UBE2T: variants seen among roughly 807,000 people sequenced by gnomAD.
The protein encoded by UBE2T is ubiquitin-conjugating enzyme E2 T.
UBE2T carries 15 observed loss-of-function variants against 23.3 expected under a neutral mutation model. That is an observed-to-expected ratio of 0.64 (90% CI 0.43 to 0.99). The LOEUF is 0.99. UBE2T is among the 50% of genes least tolerant of loss of function. The pLI, the probability that UBE2T is intolerant of heterozygous loss-of-function variation, is 0.00. For missense variants in UBE2T, 197 were observed against 234.9 expected, an observed-to-expected ratio of 0.84 and a Z score of 1.05; for synonymous variants, 67 against 78.4, an observed-to-expected ratio of 0.85 and a Z score of 0.77.
rs1558101039 is a variant in UBE2T at position 202,335,077 on chromosome 1, G to T, written c.110-19C>A. On this transcript the variant is annotated intron_variant, in intron 2 of 6. Coordinates refer to ENST00000646651, the MANE Select transcript of UBE2T (RefSeq NM_014176.4). The surrounding 1 kb of genome is among the most constrained non-coding windows in gnomAD (Gnocchi z 4.0). ...AATATTTCTTAAAAGAAAAAAGAAA[G>T]AAAAAGTTAAAAGGGAATCAGATCA... 3 of 1,591,198 alleles carry T rather than the reference G, an allele frequency of 1.9e-6. No individual in the cohort carries two copies. The highest frequency in any genetic ancestry group is 3.3e-4 in the Middle Eastern group (2 of 5,976).
intron 1 of UBE2T, among the ~76,000 whole-genome samples, chr1:202,336,341 C>T (rs1474173868): frequency 6.6e-6 from 1 of 151,764 alleles, no homozygotes; most frequent in Admixed American, 6.6e-5. Flanking sequence ...CCCATCTCAG[C>T]CGCCTATGTA....
intron 3 of UBE2T, 103 bp from the exon 4 acceptor site, chr1:202,333,658 TCAGGGAGA>T: frequency 3.9e-6 from 4 of 1,035,266 alleles, no homozygotes; most frequent in Non-Finnish European, 5.5e-6. Flanking sequence ...TATAGAAATG[TCAGGGAGA>T]CTGCCTTTGG....
intron 1 of UBE2T, among the ~76,000 whole-genome samples, chr1:202,341,258 C>T (rs1025457379): frequency 1.3e-5 from 2 of 152,032 alleles, no homozygotes; most frequent in African/African-American, 4.8e-5. Flanking sequence ...ATGAACGAAA[C>T]GTGGGTTTGG....
chr1:202,333,483 C>T lies in UBE2T; in HGVS notation c.252G>A (p.Arg84=). 6.2e-7 allele frequency: 1 copy of T among 1,614,128 alleles called. No homozygotes were observed. Among genetic ancestry groups the T allele is most frequent in the Non-Finnish European group, 8.5e-7 (1 of 1,180,024 alleles). The part of the protein sequence containing the change: ...IYHPNIDSAG[R]ICLDVLKLPP... ...GCAATTTGAGAACATCCAGACAAAT[C>T]CTTCCAGCAGAATCAATGTTTGGAT... Residue 84 remains arginine (R), a synonymous_variant, in exon 4 of 7, where the codon AGG becomes AGA. Transcript: ENST00000646651.
In UBE2T at chr1:202,331,711, G is replaced by C; in HGVS notation, c.*124C>G. ...GTTTAAAAGATTTCAAAATACATAT[G>C]TACAAGATAAATAAACTACACAAAA... is the stretch of plus-strand genomic sequence containing the variant. On this transcript the variant is annotated 3_prime_UTR_variant, in exon 7 of 7. Transcript: ENST00000646651. The C allele has an allele frequency of 8.3e-7, 1 of 1,206,614 alleles. No individual in the cohort carries two copies. The highest frequency in any genetic ancestry group is 1.5e-5 in the South Asian group (1 of 67,860). 74.7% of individuals were successfully genotyped at this position (1,206,614 alleles called of 1,614,324 possible).
intron 6 of UBE2T, 121 bp from the exon 7 acceptor site, chr1:202,332,081 T>TGCAGAAGACG: frequency 8.1e-7 from 1 of 1,232,728 alleles, no homozygotes. Context: ...TACAGTATTA[T>TGCAGAAGACG]GCATACGATA....
intron 1 of UBE2T, among the ~76,000 whole-genome samples, chr1:202,336,747 G>A (rs560866818): frequency 3.3e-5 from 5 of 152,248 alleles, no homozygotes; most frequent in South Asian, 4.1e-4. Flanking sequence ...TTAAATGTCC[G>A]AGTTTCTCTC....
chr1:202,337,870 T>C (rs1654920567), intron 1 of UBE2T, among the ~76,000 whole-genome samples: 1 of 152,196 alleles, frequency 6.6e-6, no homozygotes, highest in African/African-American at 2.4e-5. Context: ...GACTCTTTGC[T>C]CTTCCATATA....
At chr1:202,337,318 T>C (rs1417994089) in intron 1 of UBE2T, among the ~76,000 whole-genome samples, 1 of 152,198 alleles carries the variant, frequency 6.6e-6, no homozygotes, top group African/African-American at 2.4e-5. Context: ...TGTCTTTCAA[T>C]AAACACATAC....
At chr1:202,332,226 C>T (rs1654767520) in intron 6 of UBE2T, among the ~76,000 whole-genome samples, 3 of 152,128 alleles carry the variant, frequency 2.0e-5, no homozygotes, top group Non-Finnish European at 4.4e-5. Context: ...TTTCCATGTT[C>T]CTGTAATTTG....
chr1:202,335,801 A>G lies in UBE2T; in HGVS notation c.-47T>C, dbSNP rs375944513. 3 of 1,562,928 alleles carry G rather than the reference A, an allele frequency of 1.9e-6. No individual in the cohort carries two copies. Among genetic ancestry groups the G allele is most frequent in the African/African-American group, 2.7e-5 (2 of 73,968 alleles). The stretch of plus-strand genomic sequence containing the variant: ...ACACACAGTTCACTGCTCCACACTA[A>G]GAGCTGCCTGGGATGCACTGGAGGA... On this transcript the variant is annotated 5_prime_UTR_variant, in exon 2 of 7. Transcript: ENST00000646651. This position sits in a 1 kb window ranked among gnomAD's most constrained non-coding sequence, Gnocchi z 4.0.
rs540664348 is a variant in UBE2T at position 202,331,822 on chromosome 1, C to A, written c.*13G>T. The A allele has an allele frequency of 6.1e-5, 99 of 1,613,784 alleles. No homozygotes were observed. In the Middle Eastern group the frequency reaches 1.2e-3, roughly 19 times the overall value. The stretch of plus-strand genomic sequence containing the variant: ...AAAGAACACATTAACTAAGATGAAC[C>A]AGGACAAGTCCCCTAAACATCAGGA... On this transcript the variant is annotated 3_prime_UTR_variant, in exon 7 of 7. Coordinates refer to ENST00000646651, the MANE Select transcript of UBE2T (RefSeq NM_014176.4).
chr1:202,341,279 G>C (rs1463991456), intron 1 of UBE2T, among the ~76,000 whole-genome samples: 1 of 152,092 alleles, frequency 6.6e-6, no homozygotes, highest in African/African-American at 2.4e-5. Flanking sequence ...ACCAGATGTT[G>C]AAGAAGACAA....
chr1:202,331,985 C>T (rs779370864), intron 6 of UBE2T, 25 bp from the exon 7 acceptor site: 1 of 1,611,946 alleles, frequency 6.2e-7, no homozygotes, highest in Non-Finnish European at 8.5e-7. Flanking sequence ...GGGTGAAACA[C>T]AGTAAGGTTC....
rs997171583 is a variant in UBE2T at position 202,340,166 on chromosome 1, C to T, written c.-65+1729G>A. 6.6e-6 allele frequency among the ~76,000 whole-genome samples: 1 copy of T among 151,556 alleles called. No homozygotes were observed. On this transcript the variant is annotated intron_variant, in intron 1 of 6. Coordinates refer to ENST00000646651, the MANE Select transcript of UBE2T (RefSeq NM_014176.4). ...TGGAGGTTACAGTGGGCTGAGATCG[C>T]GCCACTGTACTCCAGCCTGGGCGAC... is the stretch of plus-strand genomic sequence containing the variant.
chr1:202,337,732 A>AT (rs1424462026), intron 1 of UBE2T, among the ~76,000 whole-genome samples: 2 of 152,108 alleles, frequency 1.3e-5, no homozygotes, highest in African/African-American at 4.8e-5. Flanking sequence ...TATTATTTAA[A>AT]TTTTTTCCCA....
intron 1 of UBE2T, among the ~76,000 whole-genome samples, chr1:202,340,396 C>G (rs1460692327): frequency 6.6e-6 from 1 of 151,548 alleles, no homozygotes; most frequent in Non-Finnish European, 1.5e-5. Context: ...CGCCTGTAAT[C>G]CCAGCTACTT....
At chr1:202,336,211 T>C (rs1313743274) in intron 1 of UBE2T, among the ~76,000 whole-genome samples, 4 of 1,178 alleles carry the variant, frequency 3.4e-3, no homozygotes, top group South Asian at 0.14. Flanking sequence ...TGCACCCAGC[T>C]TTTTTTTTTT....
rs773749718 is a variant in UBE2T, at chr1:202,335,002, T to C, written c.166A>G (p.Ile56Val). ...ATTCATACTAACCTCTCAGGAATGA[T>C]AACTTCTAGCTTAAAAACACCTTTC... ...YEKGVFKLEV[I>V]IPERYPFEPP... The change falls in exon 3 of 7, where the codon ATC becomes GTC. Residue 56 changes from isoleucine to valine, a missense_variant. By Grantham distance (29) the Ile-to-Val change is conservative. Transcript: ENST00000646651. This position sits in a 1 kb window ranked among gnomAD's most constrained non-coding sequence, Gnocchi z 4.0. 6.2e-7 allele frequency: 1 copy of C among 1,612,720 alleles called. No homozygotes were observed. Among genetic ancestry groups the C allele is most frequent in the East Asian group, 2.2e-5 (1 of 44,862 alleles).
Sources: allele counts gnomAD v4.1 joint callset (sites outside exome capture counted in the v4.1 genomes callset), GRCh38; gene constraint gnomAD v4.1.1; non-coding constraint Gnocchi (gnomAD v3.1); transcripts MANE v1.5; gene names NCBI Gene and HGNC (gene_info 2026-07-23, HGNC 2026-07-21).